The following TSHZ2 variants were observed in gnomAD, a reference collection of about 807,000 sequenced individuals.
The protein encoded by TSHZ2 is teashirt homolog 2.
In TSHZ2, 21 loss-of-function variants were observed where a neutral mutation model predicts 74.4. The ratio of observed to expected loss-of-function variants is 0.28; its 90% CI spans 0.20 to 0.41. The LOEUF (loss-of-function observed/expected upper bound fraction) is 0.41, where lower values mean the gene tolerates loss of function less well. Among genes scored for constraint, TSHZ2 ranks in the 10% least tolerant of loss-of-function variants. TSHZ2 has a pLI of 1.00. For missense variants in TSHZ2, 1,244 were observed against 1,293.5 expected (o/e 0.96, Z 0.59); for synonymous variants, 540 against 515.3 (o/e 1.05, Z -0.65).
chr20:53,423,010 T>C (rs915309286), intron 2 of TSHZ2, among the ~76,000 whole-genome samples: 4 of 152,138 alleles, frequency 2.6e-5, no homozygotes, highest in African/African-American at 9.7e-5. Context: ...AAAACAGAGA[T>C]CTACAAAGTT....
intron 2 of TSHZ2, among the ~76,000 whole-genome samples, chr20:53,481,981 G>A (rs1326414428): frequency 3.9e-5 from 6 of 152,000 alleles, no homozygotes; most frequent in Non-Finnish European, 7.4e-5. Context: ...GCGTATGCCT[G>A]TAATCCCAGC....
chr20:53,190,367 A>C (rs956462480), intron 1 of TSHZ2, among the ~76,000 whole-genome samples: 4 of 151,322 alleles, frequency 2.6e-5, no homozygotes, highest in African/African-American at 9.7e-5. Flanking sequence ...AATGACTTAC[A>C]CCAAGGGGGT....
In TSHZ2 at chr20:53,473,653, T is replaced by C. The variant is rs1233196463; in HGVS notation, c.*9-13491T>C. ...TCACCAGCAACGGAACAAAGCTGGA[T>C]GGAGAATGACTTTGACGAGCTGAGA... On this transcript the variant is annotated intron_variant, in intron 2 of 2. Transcript: ENST00000371497. Among the ~76,000 whole-genome samples, 10 of 150,728 alleles carry C rather than the reference T, an allele frequency of 6.6e-5. No individual in the cohort carries two copies. In the South Asian group the frequency reaches 1.9e-3, roughly 29 times the overall value.
intron 1 of TSHZ2, among the ~76,000 whole-genome samples, chr20:53,060,291 T>C (rs1217805300): frequency 1.3e-5 from 2 of 152,202 alleles, no homozygotes; most frequent in African/African-American, 2.4e-5. Context: ...GGCTGTAGAA[T>C]GTATCTCCAA....
intron 2 of TSHZ2, among the ~76,000 whole-genome samples, chr20:53,349,470 G>A (rs530457915): frequency 1.6e-4 from 24 of 151,742 alleles, no homozygotes; most frequent in African/African-American, 5.1e-4. Flanking sequence ...TGGGTGACAC[G>A]GTGAGACCCC....
chr20:53,255,445 GAGA>G lies in TSHZ2; in HGVS notation c.1990_1992del (p.Lys664del). 1 of 1,611,466 alleles carries G rather than the reference GAGA, an allele frequency of 6.2e-7. No homozygotes were observed. The highest frequency in any genetic ancestry group is 2.2e-5 in the East Asian group (1 of 44,880). On this transcript the variant is annotated inframe_deletion, in exon 2 of 3. Transcript: ENST00000371497. This position sits in a 1 kb window ranked among gnomAD's most constrained non-coding sequence, Gnocchi z 4.1. ...GGAGAAGCTGATGAAAGAGGGCAGCGAGAAGGAGAAACCCCAGCCCCTGGAGCC... is the reference window on the plus strand; with the variant it reads ...GGAGAAGCTGATGAAAGAGGGCAGCGAGGAGAAACCCCAGCCCCTGGAGCC...
chr20:53,181,867 G>C (rs914185208), intron 1 of TSHZ2, among the ~76,000 whole-genome samples: 1 of 152,330 alleles, frequency 6.6e-6, no homozygotes, highest in East Asian at 1.9e-4. Context: ...GAAATTAACA[G>C]CTGTGCCCAG....
chr20:53,240,880 T>C (rs1357263776), intron 1 of TSHZ2, among the ~76,000 whole-genome samples: 1 of 151,994 alleles, frequency 6.6e-6, no homozygotes, highest in Non-Finnish European at 1.5e-5. Context: ...AAAAGGAGAA[T>C]GAAACAGAGA....
intron 1 of TSHZ2, among the ~76,000 whole-genome samples, chr20:53,098,897 A>G (rs1219376659): frequency 6.6e-6 from 1 of 152,232 alleles, no homozygotes; most frequent in African/African-American, 2.4e-5. Flanking sequence ...TCTTAAGGCC[A>G]GGGTTGTGGT....
At chr20:53,121,120 A>G (rs1331307564) in intron 1 of TSHZ2, among the ~76,000 whole-genome samples, 1 of 152,170 alleles carries the variant, frequency 6.6e-6, no homozygotes, top group Non-Finnish European at 1.5e-5. Flanking sequence ...TTGGGGAAAA[A>G]TTAAAAATGC....
chr20:53,321,072 T>G (rs1313513925), intron 2 of TSHZ2, among the ~76,000 whole-genome samples: 1 of 152,184 alleles, frequency 6.6e-6, no homozygotes, highest in Non-Finnish European at 1.5e-5. Flanking sequence ...CAACATGCAT[T>G]CCACAATTTT....
At chr20:53,121,302 G>A (rs903613085) in intron 1 of TSHZ2, among the ~76,000 whole-genome samples, 13 of 151,930 alleles carry the variant, frequency 8.6e-5, no homozygotes, top group Admixed American at 4.6e-4. Flanking sequence ...TCATCTTAAG[G>A]ATTAAATTTA....
chr20:53,340,861 G>T (rs1341421209), intron 2 of TSHZ2, among the ~76,000 whole-genome samples: 1 of 152,132 alleles, frequency 6.6e-6, no homozygotes, highest in African/African-American at 2.4e-5. Flanking sequence ...GGTGGGGTAG[G>T]CCCTGCATCT....
intron 2 of TSHZ2, among the ~76,000 whole-genome samples, chr20:53,277,053 TG>T (rs1253555927): frequency 1.3e-5 from 2 of 151,284 alleles, no homozygotes; most frequent in African/African-American, 2.4e-5. Flanking sequence ...AGAAAAGGAG[TG>T]GGTAGCCAGG....
chr20:53,387,457 T>C (rs1600598993), intron 2 of TSHZ2, among the ~76,000 whole-genome samples: 1 of 152,178 alleles, frequency 6.6e-6, no homozygotes, highest in South Asian at 2.1e-4. Context: ...AAGGCTCGGG[T>C]ACCTGTTTAG....
At chr20:53,036,864 T>A (rs928041986) in intron 1 of TSHZ2, among the ~76,000 whole-genome samples, 1 of 150,342 alleles carries the variant, frequency 6.7e-6, no homozygotes, top group Non-Finnish European at 1.5e-5. Context: ...TAGATAGACA[T>A]CTCTTTAATG....
At chr20:53,259,779 G>A (rs1600774058) in intron 2 of TSHZ2, among the ~76,000 whole-genome samples, 1 of 152,128 alleles carries the variant, frequency 6.6e-6, no homozygotes, top group African/African-American at 2.4e-5. Context: ...GTATAAGCCT[G>A]GCCCAAATAT....
intron 1 of TSHZ2, among the ~76,000 whole-genome samples, chr20:53,129,043 T>A (rs1284939762): frequency 1.3e-5 from 2 of 152,086 alleles, no homozygotes; most frequent in African/African-American, 4.8e-5. Flanking sequence ...TACTTACATA[T>A]CTAGCAATCT....
intron 2 of TSHZ2, among the ~76,000 whole-genome samples, chr20:53,429,711 A>G (rs1983771577): frequency 6.6e-6 from 1 of 152,216 alleles, no homozygotes. Context: ...AAATTCTATT[A>G]GGGGATTCCT....
Sources: gnomAD v4.1 joint callset for allele counts (sites outside exome capture counted in the v4.1 genomes callset) on GRCh38, gnomAD v4.1.1 for gene constraint, Gnocchi (gnomAD v3.1) non-coding constraint, MANE v1.5 for transcripts, NCBI Gene and HGNC (gene_info 2026-07-23, HGNC 2026-07-21) for gene names.